Variants in ROBO2 observed in about 807,000 individuals in gnomAD.
ROBO2 encodes the protein roundabout guidance receptor 2, also known as roundabout homolog 2.
ROBO2 carries 53 observed loss-of-function variants against 160.8 expected under a neutral mutation model. The ratio of observed to expected loss-of-function variants is 0.33; its 90% CI spans 0.26 to 0.41. ROBO2 has a LOEUF of 0.41. Ranked by LOEUF, ROBO2 falls within the 10% of genes least tolerant of loss-of-function variation. The pLI is 1.00. For missense variants in ROBO2, 1,577 were observed against 1,722.4 expected (o/e 0.92, Z 1.49); for synonymous variants, 664 against 611.7 (o/e 1.09, Z -1.26).
intron 2 of ROBO2, among the ~76,000 whole-genome samples, chr3:76,421,714 G>A (rs1304793580): frequency 9.2e-5 from 11 of 119,814 alleles, no homozygotes; most frequent in South Asian, 2.8e-4. Flanking sequence ...CAACAAGAGC[G>A]AAACTCCATC....
intron 2 of ROBO2, among the ~76,000 whole-genome samples, chr3:77,102,196 C>G (rs1029177428): frequency 6.6e-6 from 1 of 152,120 alleles, no homozygotes; most frequent in Non-Finnish European, 1.5e-5. Context: ...CCGGGTCTTT[C>G]CTAGAATGGA....
chr3:76,139,403 C>T (rs1366647991), intron 2 of ROBO2, among the ~76,000 whole-genome samples: 1 of 151,946 alleles, frequency 6.6e-6, no homozygotes, highest in African/African-American at 2.4e-5. Context: ...GAATAAGAAC[C>T]AAATCTCTGA....
chr3:76,228,278 C>T (rs1175859970), intron 2 of ROBO2, among the ~76,000 whole-genome samples: 1 of 152,026 alleles, frequency 6.6e-6, no homozygotes, highest in Non-Finnish European at 1.5e-5. Context: ...ATGGCAGCAG[C>T]AATTGTATGG....
At chr3:76,141,105 T>G (rs2106757275) in intron 2 of ROBO2, among the ~76,000 whole-genome samples, 1 of 77,354 alleles carries the variant, frequency 1.3e-5, no homozygotes, top group African/African-American at 4.5e-5. Context: ...TTTATAGGTA[T>G]GAGCTACCAT....
chr3:77,155,082 A>T (rs921570178), intron 2 of ROBO2, among the ~76,000 whole-genome samples: 1 of 151,992 alleles, frequency 6.6e-6, no homozygotes, highest in Non-Finnish European at 1.5e-5. Context: ...TAAATAAATA[A>T]AATGGATTGT....
chr3:77,401,479 C>T (rs994023339), intron 2 of ROBO2, among the ~76,000 whole-genome samples: 11 of 152,216 alleles, frequency 7.2e-5, no homozygotes, highest in African/African-American at 1.4e-4. Flanking sequence ...TTAGATTTTG[C>T]ACTGTACATT....
At chr3:76,964,020 C>T (rs1249153803) in intron 2 of ROBO2, among the ~76,000 whole-genome samples, 1 of 152,020 alleles carries the variant, frequency 6.6e-6, no homozygotes, top group African/African-American at 2.4e-5. Context: ...TCACTTCTCT[C>T]AGAGTGAAAA....
chr3:75,977,512 A>G (rs1226734215), intron 2 of ROBO2, among the ~76,000 whole-genome samples: 1 of 151,530 alleles, frequency 6.6e-6, no homozygotes, highest in Non-Finnish European at 1.5e-5. Context: ...ATGCTTAAAA[A>G]TGTTTTTCTG....
chr3:76,085,262 C>T (rs1298110237), intron 2 of ROBO2, among the ~76,000 whole-genome samples: 1 of 151,946 alleles, frequency 6.6e-6, no homozygotes, highest in East Asian at 1.9e-4. Flanking sequence ...CTCAAAGACA[C>T]CTTTAACAAA....
intron 2 of ROBO2, among the ~76,000 whole-genome samples, chr3:77,432,896 A>C (rs1015955877): frequency 6.6e-6 from 1 of 152,180 alleles, no homozygotes; most frequent in Non-Finnish European, 1.5e-5. Flanking sequence ...GGCAGGAATT[A>C]ATTCTCAAGG....
At chr3:77,513,313 G>A (rs551432279) in intron 5 of ROBO2, among the ~76,000 whole-genome samples, 1 of 151,902 alleles carries the variant, frequency 6.6e-6, no homozygotes, top group East Asian at 1.9e-4. Context: ...GGCTTAATGT[G>A]CATCAGGAAT....
rs1560219023 is a variant in ROBO2 at position 77,200,316 on chromosome 3, TA to T, written c.388+101977del. On this transcript the variant is annotated intron_variant, in intron 2 of 25. Coordinates refer to ENST00000461745, the Ensembl canonical transcript of ROBO2. Reference sequence around the variant, plus strand: ...ATATATATATATATATATATATATATATATATTTTAGTTTCTATAGGTAAAG... The same window carrying T: ...ATATATATATATATATATATATATATTATATTTTAGTTTCTATAGGTAAAG... 2.3e-3 allele frequency among the ~76,000 whole-genome samples: 178 copies of T among 78,636 alleles called. 5 individuals are homozygous for T. The highest frequency in any genetic ancestry group is 0.021 in the East Asian group (50 of 2,358). The allele number at this position is 78,636 out of a possible 152,430, so 51.6% of individuals were successfully genotyped here. A position where few individuals can be genotyped will look rare whatever the true frequency, so the allele number is the denominator to read the frequency against.
intron 2 of ROBO2, among the ~76,000 whole-genome samples, chr3:77,354,724 T>C (rs2153461406): frequency 1.3e-5 from 2 of 152,244 alleles, no homozygotes; most frequent in South Asian, 4.1e-4. Context: ...ATTTCTGGCA[T>C]GGAAAAGAGC....
At chr3:77,603,552 G>A (rs1259863606) in intron 20 of ROBO2, among the ~76,000 whole-genome samples, 1 of 151,972 alleles carries the variant, frequency 6.6e-6, no homozygotes, top group Non-Finnish European at 1.5e-5. Context: ...GTTAATATGG[G>A]AAATTAATAT....
chr3:77,307,515 C>T (rs983190037), intron 2 of ROBO2, among the ~76,000 whole-genome samples: 4 of 152,140 alleles, frequency 2.6e-5, no homozygotes, highest in African/African-American at 9.7e-5. Flanking sequence ...TGACAGCCTT[C>T]CCCAGGGCTC....
intron 11 of ROBO2, among the ~76,000 whole-genome samples, chr3:77,563,676 C>T (rs914300015): frequency 1.3e-5 from 2 of 152,022 alleles, no homozygotes; most frequent in East Asian, 1.9e-4. Context: ...GGCACAGGCA[C>T]TTTTTAAAGT....
chr3:77,292,389 A>G (rs1265635780), intron 2 of ROBO2, among the ~76,000 whole-genome samples: 6 of 150,320 alleles, frequency 4.0e-5, no homozygotes, highest in Admixed American at 4.0e-4. Context: ...CTAGATCACC[A>G]AAGACATAAA....
chr3:76,939,979 ATTT>A (rs71104641), intron 2 of ROBO2, among the ~76,000 whole-genome samples: 5 of 120,546 alleles, frequency 4.1e-5, no homozygotes, highest in Non-Finnish European at 6.4e-5. Flanking sequence ...AAGCAACAGG[ATTT>A]TTTTTTTTTT....
At chr3:77,123,882 T>A (rs1205765857) in intron 2 of ROBO2, among the ~76,000 whole-genome samples, 1 of 149,266 alleles carries the variant, frequency 6.7e-6, no homozygotes. Flanking sequence ...TATAGATACA[T>A]ATATAGATAC....
Sources: allele counts gnomAD v4.1 joint callset (sites outside exome capture counted in the v4.1 genomes callset), GRCh38; gene constraint gnomAD v4.1.1; transcripts MANE v1.5; gene names NCBI Gene and HGNC (gene_info 2026-07-23, HGNC 2026-07-21).